The following RNF180 variants were observed in gnomAD, a reference collection of about 807,000 sequenced individuals.
RNF180 encodes the protein E3 ubiquitin-protein ligase RNF180.
A neutral mutation model predicts 59.2 loss-of-function variants in RNF180; 38 were observed. The observed-to-expected ratio is 0.64, with a 90% confidence interval of 0.50 to 0.84. The LOEUF (loss-of-function observed/expected upper bound fraction) is 0.84, where lower values mean the gene tolerates loss of function less well. Ranked by LOEUF, RNF180 falls within the 40% of genes least tolerant of loss-of-function variation. The probability of loss-of-function intolerance (pLI) is 0.00; values close to 1 mark genes in which losing one functional copy is unlikely to be tolerated. For missense variants in RNF180, 705 were observed against 700.9 expected (o/e 1.01, Z -0.07); for synonymous variants, 262 against 240.3 (o/e 1.09, Z -0.84).
intron 5 of RNF180, among the ~76,000 whole-genome samples, chr5:64,266,286 G>A (rs1744674302): frequency 6.6e-6 from 1 of 152,160 alleles, no homozygotes; most frequent in Non-Finnish European, 1.5e-5. Context: ...AGAAATGTGT[G>A]TGGGATTCTA....
At chr5:64,330,669 A>T (rs1182149043) in intron 7 of RNF180, among the ~76,000 whole-genome samples, 1 of 152,240 alleles carries the variant, frequency 6.6e-6, no homozygotes, top group Non-Finnish European at 1.5e-5. Flanking sequence ...TACATAGATA[A>T]TGAAAATACG....
chr5:64,238,316 C>A (rs1381845317), intron 5 of RNF180, among the ~76,000 whole-genome samples: 1 of 152,148 alleles, frequency 6.6e-6, no homozygotes, highest in Admixed American at 6.5e-5. Context: ...AATCTAATAT[C>A]TATTTGAGAT....
At chr5:64,191,446 T>C (rs1283622001) in intron 1 of RNF180, among the ~76,000 whole-genome samples, 1 of 152,206 alleles carries the variant, frequency 6.6e-6, no homozygotes, top group African/African-American at 2.4e-5. Context: ...GCATTTCACC[T>C]ATTCATCCTT....
chr5:64,290,323 C>T (rs1234587890), intron 5 of RNF180, among the ~76,000 whole-genome samples: 2 of 152,082 alleles, frequency 1.3e-5, no homozygotes, highest in African/African-American at 2.4e-5. Context: ...GAGTAAGTGC[C>T]ATGTGGCGAT....
At chr5:64,355,865 C>CAA (rs1745998187) in intron 7 of RNF180, among the ~76,000 whole-genome samples, 2 of 151,562 alleles carry the variant, frequency 1.3e-5, no homozygotes, top group African/African-American at 4.8e-5. Flanking sequence ...AAGTTGGACC[C>CAA]CTTAACTCCA....
chr5:64,329,457 C>CTT (rs558648872), intron 6 of RNF180, among the ~76,000 whole-genome samples: 5 of 135,650 alleles, frequency 3.7e-5, no homozygotes, highest in Non-Finnish European at 6.4e-5. Flanking sequence ...CTTTTTTTTT[C>CTT]TTTTTTTTTT....
At chr5:64,213,393 G>C (rs768970999) in intron 3 of RNF180, among the ~76,000 whole-genome samples, 165 bp from the exon 4 acceptor site, 2 of 151,980 alleles carry the variant, frequency 1.3e-5, no homozygotes, top group Non-Finnish European at 2.9e-5. Context: ...TTATTTCTTG[G>C]AAGGCTTGTT....
intron 7 of RNF180, among the ~76,000 whole-genome samples, chr5:64,351,419 G>T (rs1745807060): frequency 6.6e-6 from 1 of 152,000 alleles, no homozygotes; most frequent in African/African-American, 2.4e-5. Flanking sequence ...TGATTGCCCT[G>T]GCCAGAACTT....
intron 3 of RNF180, among the ~76,000 whole-genome samples, chr5:64,213,319 A>G (rs1752407014): frequency 6.6e-6 from 1 of 152,130 alleles, no homozygotes; most frequent in Admixed American, 6.6e-5. Context: ...ATTCTTAGGA[A>G]TATTGTTTGG....
At chr5:64,317,937 C>T (rs941966286) in intron 5 of RNF180, among the ~76,000 whole-genome samples, 1 of 152,156 alleles carries the variant, frequency 6.6e-6, no homozygotes, top group Non-Finnish European at 1.5e-5. Flanking sequence ...AATCTTCTAA[C>T]ACAAAGCCTG....
intron 5 of RNF180, among the ~76,000 whole-genome samples, chr5:64,245,364 C>T (rs553487859): frequency 1.3e-5 from 2 of 152,272 alleles, no homozygotes; most frequent in East Asian, 1.9e-4. Flanking sequence ...GTGCTGTATT[C>T]AGGAGACCAA....
At chr5:64,336,998 G>A (rs200665471) in intron 7 of RNF180, among the ~76,000 whole-genome samples, 1 of 90,376 alleles carries the variant, frequency 1.1e-5, no homozygotes, top group Non-Finnish European at 2.6e-5. Flanking sequence ...TTCTTTTTTT[G>A]TTGTTGTTTT....
intron 5 of RNF180, among the ~76,000 whole-genome samples, chr5:64,260,743 T>G (rs1001761129): frequency 6.6e-6 from 1 of 152,182 alleles, no homozygotes; most frequent in Admixed American, 6.5e-5. Flanking sequence ...ATCTTCAGCT[T>G]TGTTTAACAT....
intron 7 of RNF180, among the ~76,000 whole-genome samples, chr5:64,353,586 G>A (rs781241521): frequency 3.3e-4 from 50 of 151,650 alleles, no homozygotes; most frequent in Non-Finnish European, 5.2e-4. Context: ...GAATTCATGA[G>A]TATAAATATA....
chr5:64,198,884 C>T (rs2036000), intron 1 of RNF180, among the ~76,000 whole-genome samples: 6,833 of 151,762 alleles, frequency 0.045, 502 homozygotes, highest in African/African-American at 0.15. Context: ...GGCACGATCT[C>T]GGCCCACTGC....
chr5:64,215,116 A>G (rs926531693), intron 4 of RNF180, among the ~76,000 whole-genome samples: 2 of 152,196 alleles, frequency 1.3e-5, no homozygotes, highest in African/African-American at 2.4e-5. Context: ...TTCAGTACCC[A>G]TAGTAATATG....
intron 7 of RNF180, among the ~76,000 whole-genome samples, chr5:64,356,389 A>G (rs187019279): frequency 6.6e-6 from 1 of 152,040 alleles, no homozygotes; most frequent in African/African-American, 2.4e-5. Flanking sequence ...ACTATATACT[A>G]TATATATAAA....
chr5:64,205,417 C>A (rs1057248848), intron 2 of RNF180, among the ~76,000 whole-genome samples: 3 of 151,950 alleles, frequency 2.0e-5, no homozygotes, highest in African/African-American at 7.3e-5. Flanking sequence ...TGGGCAAAAA[C>A]CAAAAACAAA....
At chr5:64,165,579 T>C (rs1320363950), upstream of RNF180, among the ~76,000 whole-genome samples, 1 of 152,234 alleles carries the variant, frequency 6.6e-6, no homozygotes, top group African/African-American at 2.4e-5. Flanking sequence ...GGATAATTTC[T>C]GTGGCTCTGG....
Sources: allele counts gnomAD v4.1 joint callset (sites outside exome capture counted in the v4.1 genomes callset), GRCh38; gene constraint gnomAD v4.1.1; transcripts MANE v1.5; gene names NCBI Gene and HGNC (gene_info 2026-07-23, HGNC 2026-07-21).